COPZ1: variants seen among roughly 807,000 people sequenced by gnomAD.
The protein encoded by COPZ1 is coat protein complex I subunit zeta 1.
In COPZ1, 4 loss-of-function variants were observed where a neutral mutation model predicts 31.7. That is an observed-to-expected ratio of 0.13 (90% CI 0.06 to 0.29). COPZ1 has a LOEUF of 0.29. Ranked by LOEUF, COPZ1 falls within the 10% of genes least tolerant of loss-of-function variation. COPZ1 has a pLI of 1.00. For synonymous variants in COPZ1, 74 were observed against 79.0 expected (o/e 0.94, Z 0.33); for missense variants, 156 against 211.5 (o/e 0.74, Z 1.63).
intron 1 of COPZ1, among the ~76,000 whole-genome samples, chr12:54,334,186 G>T (rs1953811976): frequency 6.6e-6 from 1 of 151,682 alleles, no homozygotes; most frequent in Non-Finnish European, 1.5e-5. Flanking sequence ...CTGAGGTCAG[G>T]AGTTCGAGAC....
chr12:54,343,467 A>T (rs1015492122), intron 4 of COPZ1, 151 bp downstream of exon 4: 1 of 656,266 alleles, frequency 1.5e-6, no homozygotes, highest in Non-Finnish European at 2.7e-6. Flanking sequence ...CAGCCTCACA[A>T]ACATGGCCCG....
chr12:54,349,635 C>A lies in COPZ1; in HGVS notation c.463C>A (p.Leu155Ile), dbSNP rs375557897. Residue 155 changes from leucine (L) to isoleucine (I), a missense_variant, in exon 8 of 9, where the codon CTT becomes ATT. Coordinates refer to ENST00000262061, the MANE Select transcript of COPZ1 (RefSeq NM_016057.3). ...RVALRGEDVP[L>I]TEQTVSQVLQ... ...TGTGCCATAGGGTGAAGATGTCCCC[C>A]TTACGGAGCAGACCGTGTCTCAGGT... The A allele has an allele frequency of 4.3e-6, 7 of 1,613,126 alleles. No individual in the cohort carries two copies. Among genetic ancestry groups the A allele is most frequent in the Non-Finnish European group, 5.9e-6 (7 of 1,179,156 alleles).
intron 5 of COPZ1, among the ~76,000 whole-genome samples, chr12:54,346,135 T>C (rs1322187030): frequency 6.6e-6 from 1 of 152,120 alleles, no homozygotes; most frequent in Non-Finnish European, 1.5e-5. Flanking sequence ...CTGTCAGATC[T>C]GAGCATCCTC....
At chr12:54,340,765 C>A in intron 2 of COPZ1, 150 bp downstream of exon 2, 1 of 858,998 alleles carries the variant, frequency 1.2e-6, no homozygotes, top group South Asian at 1.8e-5. Context: ...GAGTTTCGCT[C>A]TTATCACCCA....
intron 4 of COPZ1, among the ~76,000 whole-genome samples, chr12:54,344,144 G>A (rs1161758892): frequency 6.6e-6 from 1 of 152,186 alleles, no homozygotes; most frequent in African/African-American, 2.4e-5. Context: ...TAAAGTCCAT[G>A]CTTTTTAAAA....
intron 1 of COPZ1, among the ~76,000 whole-genome samples, chr12:54,328,594 T>A (rs1953702479): frequency 6.6e-6 from 1 of 152,180 alleles, no homozygotes; most frequent in Admixed American, 6.5e-5. Flanking sequence ...AAAGTCTCTC[T>A]GTCACATTTC....
chr12:54,340,340 T>A lies in COPZ1; in HGVS notation c.19-207T>A. ...TTCTCTGATGGTACTTTGGAATCCT[T>A]TGTTTAAATGCTTTCTCTGTCAATT... On this transcript the variant is annotated intron_variant, in intron 1 of 8. Transcript: ENST00000262061. 3 of 731,544 alleles carry A rather than the reference T, an allele frequency of 4.1e-6. No homozygotes were observed. In the South Asian group the frequency reaches 8.3e-5, roughly 20 times the overall value. The allele number at this position is 731,544 out of a possible 1,614,324, so 45.3% of individuals were successfully genotyped here.
At chr12:54,336,492 G>A (rs996906873) in intron 1 of COPZ1, among the ~76,000 whole-genome samples, 1 of 151,848 alleles carries the variant, frequency 6.6e-6, no homozygotes, top group South Asian at 2.1e-4. Flanking sequence ...AGCTGAGATC[G>A]TGCCACTGCA....
At chr12:54,346,812 T>G in intron 5 of COPZ1, 1 of 578,248 alleles carries the variant, frequency 1.7e-6, no homozygotes, top group South Asian at 1.9e-5. Context: ...GCTGTGATCA[T>G]GCTACTGCAC....
chr12:54,332,757 A>G (rs564233681), intron 1 of COPZ1, among the ~76,000 whole-genome samples: 60 of 151,976 alleles, frequency 3.9e-4, no homozygotes, highest in Non-Finnish European at 7.8e-4. Context: ...GGAAAAAAAA[A>G]AAGAAAGCTG....
chr12:54,329,875 T>G (rs1953720339), intron 1 of COPZ1, among the ~76,000 whole-genome samples: 1 of 152,238 alleles, frequency 6.6e-6, no homozygotes, highest in Non-Finnish European at 1.5e-5. Flanking sequence ...TGTTGCTCCT[T>G]GGCCTTTGCT....
intron 1 of COPZ1, among the ~76,000 whole-genome samples, chr12:54,334,897 G>C (rs145938682): frequency 5.9e-5 from 9 of 152,202 alleles, no homozygotes; most frequent in African/African-American, 2.2e-4. Flanking sequence ...ACAGAGGCCA[G>C]GTGCAGTGGC....
At chr12:54,335,761 T>C (rs904914980) in intron 1 of COPZ1, among the ~76,000 whole-genome samples, 2 of 151,924 alleles carry the variant, frequency 1.3e-5, no homozygotes, top group African/African-American at 4.8e-5. Context: ...AGCCTTGAAC[T>C]CCCAAGCTCA....
intron 1 of COPZ1, chr12:54,337,239 G>GA (rs1184116535): frequency 3.7e-6 from 2 of 534,572 alleles, no homozygotes; most frequent in Non-Finnish European, 7.7e-6. Context: ...CATTTGAGGT[G>GA]AAGTTCTGTT....
Position 54,340,572 on chromosome 12 carries a change from C to T in COPZ1, c.44C>T (p.Ala15Val), listed in dbSNP as rs1397009146. The T allele has an allele frequency of 6.2e-7, 1 of 1,613,956 alleles. No homozygotes were observed. Among genetic ancestry groups the T allele is most frequent in the African/African-American group, 1.3e-5 (1 of 74,904 alleles). ...ILEPSLYTVKAILILDNDGDR... is the reference protein window; with the variant it reads ...ILEPSLYTVKVILILDNDGDR... ...GAACCTTCCCTGTATACTGTCAAAG[C>T]CATCCTGATTCTGGACAATGATGGA... The change falls in exon 2 of 9, where the codon GCC becomes GTC. Residue 15 changes from alanine to valine, a missense_variant. Ala to Val is a moderately conservative substitution (Grantham distance 64, BLOSUM62 0). Coordinates refer to ENST00000262061, the MANE Select transcript of COPZ1 (RefSeq NM_016057.3).
Position 54,347,747 on chromosome 12 carries a change from C to T in COPZ1, c.318-20C>T. 1.9e-6 allele frequency: 3 copies of T among 1,606,972 alleles called. No homozygotes were observed. Among genetic ancestry groups the T allele is most frequent in the Non-Finnish European group, 2.5e-6 (3 of 1,177,678 alleles). On this transcript the variant is annotated intron_variant, in intron 5 of 8. Coordinates refer to ENST00000262061, the MANE Select transcript of COPZ1 (RefSeq NM_016057.3). Reference sequence around the variant, plus strand: ...TCACATACAAGTTGGTTATTCTCTTCTCTTCTCTTGGGGACTCAGGAAAAA... The same window carrying T: ...TCACATACAAGTTGGTTATTCTCTTTTCTTCTCTTGGGGACTCAGGAAAAA...
chr12:54,351,562 T>G lies in COPZ1; in HGVS notation c.*1039T>G, dbSNP rs1954148945. The G allele has an allele frequency of 6.6e-6, 1 of 152,230 alleles. No homozygotes were observed. The highest frequency in any genetic ancestry group is 2.4e-5 in the African/African-American group (1 of 41,436). The allele number at this position is 152,230 out of a possible 1,614,324, so 9.4% of individuals were successfully genotyped here. A position where few individuals can be genotyped will look rare whatever the true frequency, so the allele number is the denominator to read the frequency against. ...AGAGGTGCTTTTCTTCATAAAACCT[T>G]TGGGGTTTGGATTTCCCCAGGAAGA... On this transcript the variant is annotated 3_prime_UTR_variant, in exon 9 of 9. Coordinates refer to ENST00000262061, the MANE Select transcript of COPZ1 (RefSeq NM_016057.3).
At chr12:54,330,745 A>C (rs1953735752) in intron 1 of COPZ1, among the ~76,000 whole-genome samples, 2 of 152,230 alleles carry the variant, frequency 1.3e-5, no homozygotes, top group African/African-American at 4.8e-5. Flanking sequence ...TGGCTTGATT[A>C]GAGTCTGGAT....
At position 54,351,443 on chromosome 12, in the gene COPZ1, C is replaced by T. The variant is rs923287538; in HGVS notation, c.*920C>T. 4 of 152,294 alleles carry T rather than the reference C, an allele frequency of 2.6e-5. No homozygotes were observed. The highest frequency in any genetic ancestry group is 9.7e-5 in the African/African-American group (4 of 41,420). The allele number at this position is 152,294 out of a possible 1,614,324, so 9.4% of individuals were successfully genotyped here. ...TCCCCGACATGCATTTACTCTCTGC[C>T]GTGGGTCTGCAGTCGCTGCAACCTA... On this transcript the variant is annotated 3_prime_UTR_variant, in exon 9 of 9. Transcript: ENST00000262061.
Sources: allele counts gnomAD v4.1 joint callset (sites outside exome capture counted in the v4.1 genomes callset), GRCh38; gene constraint gnomAD v4.1.1; transcripts MANE v1.5; gene names NCBI Gene and HGNC (gene_info 2026-07-23, HGNC 2026-07-21).